PLEKHA5: variants seen among roughly 807,000 people sequenced by gnomAD.
PLEKHA5 encodes the protein pleckstrin homology domain-containing family A member 5.
Under a neutral mutation model 181.9 loss-of-function variants are expected in PLEKHA5, and 55 were observed. The observed-to-expected ratio is 0.30, with a 90% CI of 0.24 to 0.38. The LOEUF (loss-of-function observed/expected upper bound fraction) is 0.38. Ranked by LOEUF, PLEKHA5 falls within the 10% of genes least tolerant of loss-of-function variation. The probability of loss-of-function intolerance (pLI) is 1.00; values close to 1 mark genes in which losing one functional copy is unlikely to be tolerated. For missense variants in PLEKHA5, 1,432 were observed against 1,549.5 expected (o/e 0.92, Z 1.27); for synonymous variants, 535 against 529.4 (o/e 1.01, Z -0.15).
chr12:19,352,765 C>T (rs2094675068), intron 25 of PLEKHA5, among the ~76,000 whole-genome samples: 1 of 151,392 alleles, frequency 6.6e-6, no homozygotes, highest in Non-Finnish European at 1.5e-5. Flanking sequence ...ATCAGTTAAT[C>T]TGTACAATTT....
In PLEKHA5 at chr12:19,332,809, G is replaced by A. The variant is rs143991826; in HGVS notation, c.2449-3706G>A. Among the ~76,000 whole-genome samples, 519 of 152,188 alleles carry A rather than the reference G, an allele frequency of 3.4e-3. 3 individuals carry two copies. The highest frequency in any genetic ancestry group is 0.012 in the African/African-American group (500 of 41,520). On this transcript the variant is annotated intron_variant, in intron 20 of 31. Transcript: ENST00000429027. ...CAAGTAGCTGGGACTACAGACATGCGCCACCATACCTAATTTCTGTATACT... is the reference window on the plus strand; with the variant it reads ...CAAGTAGCTGGGACTACAGACATGCACCACCATACCTAATTTCTGTATACT...
At chr12:19,260,443 C>T (rs896558469) in intron 6 of PLEKHA5, among the ~76,000 whole-genome samples, 2 of 152,116 alleles carry the variant, frequency 1.3e-5, no homozygotes, top group African/African-American at 2.4e-5. Context: ...ATGGTATTTT[C>T]GGAGACCAGT....
chr12:19,309,839 T>A (rs942874921), intron 15 of PLEKHA5, among the ~76,000 whole-genome samples: 3 of 152,164 alleles, frequency 2.0e-5, no homozygotes, highest in African/African-American at 7.2e-5. Context: ...TCATGTTATA[T>A]ATGCAAAGTA....
At chr12:19,204,960 G>A (rs754052403) in intron 3 of PLEKHA5, among the ~76,000 whole-genome samples, 21 of 152,158 alleles carry the variant, frequency 1.4e-4, no homozygotes, top group Middle Eastern at 6.8e-3. Context: ...TCACATCTTG[G>A]ATGTTTTGCA....
At chr12:19,164,188 GATGTTTTTGT>G (rs1238853185) in intron 3 of PLEKHA5, among the ~76,000 whole-genome samples, 7 of 137,010 alleles carry the variant, frequency 5.1e-5, no homozygotes, top group Non-Finnish European at 1.1e-4. Context: ...TTGCTCTCCA[GATGTTTTTGT>G]TTTTTTTTTT....
chr12:19,163,025 A>G (rs2151508827), intron 3 of PLEKHA5, among the ~76,000 whole-genome samples: 1 of 152,130 alleles, frequency 6.6e-6, no homozygotes, highest in East Asian at 1.9e-4. Flanking sequence ...GGCTCTTTTT[A>G]TATATTGTCT....
chr12:19,369,099 A>G (rs183773455), intron 30 of PLEKHA5, among the ~76,000 whole-genome samples: 22 of 152,112 alleles, frequency 1.4e-4, no homozygotes, highest in African/African-American at 4.8e-4. Context: ...CAGTGGTACA[A>G]TCTCAGCTCA....
chr12:19,202,526 A>ATG (rs147219193), intron 3 of PLEKHA5, among the ~76,000 whole-genome samples: 2 of 151,940 alleles, frequency 1.3e-5, no homozygotes, highest in Admixed American at 6.6e-5. Context: ...CCCTGAGAGT[A>ATG]TGTGTGTGTG....
chr12:19,188,016 T>A (rs2050243517), intron 3 of PLEKHA5, among the ~76,000 whole-genome samples: 3 of 152,208 alleles, frequency 2.0e-5, no homozygotes, highest in Admixed American at 2.0e-4. Flanking sequence ...TGTTTTTTTC[T>A]TCAAGCAATG....
chr12:19,196,749 G>T (rs1050555427), intron 3 of PLEKHA5, among the ~76,000 whole-genome samples: 2 of 151,194 alleles, frequency 1.3e-5, no homozygotes, highest in African/African-American at 4.9e-5. Context: ...GGCTGCTATC[G>T]TGTTGCTGCC....
rs376634416 is a variant in PLEKHA5, at chr12:19,367,258, CTTTTTTTT to C, written c.3754+1167_3754+1174del. 4.2e-5 allele frequency among the ~76,000 whole-genome samples: 3 copies of C among 72,004 alleles called. No homozygotes were observed. The Admixed American group carries it at 6.2e-4, about 15-fold the overall frequency. 47.2% of individuals were successfully genotyped at this position (72,004 alleles called of 152,430 possible). A position where few individuals can be genotyped will look rare whatever the true frequency, so the allele number is the denominator to read the frequency against. On this transcript the variant is annotated intron_variant, in intron 30 of 31. Coordinates refer to ENST00000429027, the MANE Select transcript of PLEKHA5 (RefSeq NM_001256470.2). ...AGTGCATATTATCGCTTTGCTTCTT[CTTTTTTTT>C]TTTTTTTTTTTTTTTTTGAAGCTCT...
At chr12:19,341,893 A>G (rs980203208) in intron 21 of PLEKHA5, among the ~76,000 whole-genome samples, 1 of 151,918 alleles carries the variant, frequency 6.6e-6, no homozygotes, top group African/African-American at 2.4e-5. Context: ...CACCCCGCCC[A>G]GCTAAGTTTT....
chr12:19,367,734 C>T (rs947796560), intron 30 of PLEKHA5, among the ~76,000 whole-genome samples: 3 of 151,606 alleles, frequency 2.0e-5, no homozygotes, highest in Non-Finnish European at 2.9e-5. Flanking sequence ...TGTCCGTCAC[C>T]ACGCCTGGCT....
intron 10 of PLEKHA5, among the ~76,000 whole-genome samples, chr12:19,273,718 C>T (rs896187966): frequency 9.9e-5 from 15 of 152,130 alleles, no homozygotes; most frequent in African/African-American, 2.9e-4. Context: ...ATGCTGTTAA[C>T]GAGCTCATTC....
At chr12:19,257,904 T>C (rs915433269) in intron 6 of PLEKHA5, among the ~76,000 whole-genome samples, 3 of 152,124 alleles carry the variant, frequency 2.0e-5, no homozygotes, top group Non-Finnish European at 4.4e-5. Flanking sequence ...CATTTTTCTA[T>C]TGATATAAAA....
At chr12:19,354,087 CAA>C in intron 26 of PLEKHA5, 85 bp downstream of exon 26, 1 of 345,454 alleles carries the variant, frequency 2.9e-6, no homozygotes, top group Non-Finnish European at 5.4e-6. Flanking sequence ...AGTGTCTTAT[CAA>C]AATTATTTTT....
intron 3 of PLEKHA5, among the ~76,000 whole-genome samples, chr12:19,235,496 A>T (rs1473279005): frequency 6.6e-6 from 1 of 152,164 alleles, no homozygotes; most frequent in African/African-American, 2.4e-5. Context: ...TTAAACACTT[A>T]CAATGTGGTA....
At chr12:19,181,512 C>G (rs748496445) in intron 3 of PLEKHA5, among the ~76,000 whole-genome samples, 1 of 152,112 alleles carries the variant, frequency 6.6e-6, no homozygotes. Flanking sequence ...TGGTGGCTAA[C>G]GCCTGTAATC....
intron 3 of PLEKHA5, among the ~76,000 whole-genome samples, chr12:19,210,829 A>T (rs1227888534): frequency 6.6e-6 from 1 of 152,182 alleles, no homozygotes; most frequent in Non-Finnish European, 1.5e-5. Context: ...AGACTTAATC[A>T]GTGTATATGT....
Sources: allele counts gnomAD v4.1 joint callset (sites outside exome capture counted in the v4.1 genomes callset), GRCh38; gene constraint gnomAD v4.1.1; transcripts MANE v1.5; gene names NCBI Gene and HGNC (gene_info 2026-07-23, HGNC 2026-07-21).